The following CTXND1 variants were observed in gnomAD, a reference collection of about 807,000 sequenced individuals.
CTXND1 encodes cortexin domain-containing 1 protein.
intron 1 of CTXND1, among the ~76,000 whole-genome samples, chr15:80,206,278 C>T (rs1893146554): frequency 6.6e-6 from 1 of 152,210 alleles, no homozygotes; most frequent in South Asian, 2.1e-4. Flanking sequence ...GTGAAATGTA[C>T]AAATATTAAA....
intron 1 of CTXND1, among the ~76,000 whole-genome samples, chr15:80,235,534 C>A (rs917988405): frequency 6.6e-6 from 1 of 152,156 alleles, no homozygotes; most frequent in Non-Finnish European, 1.5e-5. Flanking sequence ...AGTGGCATAA[C>A]GCGACTGTGG....
chr15:80,218,569 T>C (rs1168136190), intron 1 of CTXND1, among the ~76,000 whole-genome samples: 1 of 152,190 alleles, frequency 6.6e-6, no homozygotes, highest in African/African-American at 2.4e-5. Flanking sequence ...CTTTCCTTGC[T>C]TTCCAATGAA....
intron 2 of CTXND1, among the ~76,000 whole-genome samples, chr15:80,202,976 T>C (rs1595902803): frequency 6.6e-6 from 1 of 152,360 alleles, no homozygotes; most frequent in East Asian, 1.9e-4. Flanking sequence ...TTGCAACTTC[T>C]CTGGGTCCTA....
chr15:80,212,214 C>T (rs1038397688), intron 1 of CTXND1, among the ~76,000 whole-genome samples: 3 of 152,174 alleles, frequency 2.0e-5, no homozygotes, highest in Admixed American at 2.0e-4. Flanking sequence ...CCCTTCTAGC[C>T]CTGCTTCCTC....
intron 1 of CTXND1, among the ~76,000 whole-genome samples, chr15:80,235,563 A>T (rs1893486160): frequency 6.6e-6 from 1 of 152,160 alleles, no homozygotes; most frequent in Non-Finnish European, 1.5e-5. Context: ...AGGGGAAATC[A>T]AGTCCCAGTT....
At chr15:80,244,841 A>G (rs1463333479) in intron 1 of CTXND1, among the ~76,000 whole-genome samples, 2 of 152,144 alleles carry the variant, frequency 1.3e-5, no homozygotes, top group South Asian at 2.1e-4. Context: ...ATAAAGCACT[A>G]TCAGGTACAC....
intron 1 of CTXND1, among the ~76,000 whole-genome samples, chr15:80,209,534 G>T (rs923235697): frequency 6.6e-6 from 1 of 152,240 alleles, no homozygotes; most frequent in Non-Finnish European, 1.5e-5. Flanking sequence ...GACCCTCAAA[G>T]AAAGTGGCCG....
At chr15:80,239,371 G>C (rs1893539398) in intron 1 of CTXND1, among the ~76,000 whole-genome samples, 1 of 152,228 alleles carries the variant, frequency 6.6e-6, no homozygotes, top group Non-Finnish European at 1.5e-5. Flanking sequence ...ATTGATCCTA[G>C]GTGTGTCTGT....
intron 2 of CTXND1, among the ~76,000 whole-genome samples, chr15:80,203,388 A>T (rs1361853370): frequency 6.6e-6 from 1 of 152,164 alleles, no homozygotes; most frequent in African/African-American, 2.4e-5. Context: ...AAGGTCCCAC[A>T]TCCCACACCC....
intron 1 of CTXND1, among the ~76,000 whole-genome samples, chr15:80,235,473 T>G (rs532934249): frequency 1.3e-5 from 2 of 152,122 alleles, no homozygotes; most frequent in South Asian, 4.1e-4. Flanking sequence ...TTATGCTCAT[T>G]TGCATAACCT....
At chr15:80,218,350 G>T (rs1893275594) in intron 1 of CTXND1, among the ~76,000 whole-genome samples, 1 of 152,104 alleles carries the variant, frequency 6.6e-6, no homozygotes, top group South Asian at 2.1e-4. Flanking sequence ...ATGTTGCCTA[G>T]GCTGGTCTCA....
chr15:80,211,778 CTTCATAA>C (rs1893207136), intron 1 of CTXND1, among the ~76,000 whole-genome samples: 1 of 152,188 alleles, frequency 6.6e-6, no homozygotes, highest in South Asian at 2.1e-4. Flanking sequence ...ATTGTTATTA[CTTCATAA>C]TTCTAAGAAC....
At chr15:80,242,858 C>T (rs932183197) in intron 1 of CTXND1, among the ~76,000 whole-genome samples, 4 of 152,130 alleles carry the variant, frequency 2.6e-5, no homozygotes, top group African/African-American at 9.7e-5. Context: ...TCAGACCCAG[C>T]CAGCTTTGGT....
chr15:80,207,859 T>G (rs1893166755), intron 1 of CTXND1, among the ~76,000 whole-genome samples: 1 of 152,240 alleles, frequency 6.6e-6, no homozygotes, highest in Non-Finnish European at 1.5e-5. Flanking sequence ...GATCCTGGGA[T>G]GTTTACTTGA....
At position 80,243,864 on chromosome 15, in the gene CTXND1, T is replaced by A. The variant is rs561818371; in HGVS notation, c.-218+8143A>T. On this transcript the variant is annotated intron_variant, in intron 1 of 2. Transcript: ENST00000560778. ...GGGGCTACCAGCTTAGATGGTGTAG[T>A]CAACATGGAAGAGCATTTTGAATAA... Among the ~76,000 whole-genome samples the A allele has an allele frequency of 4.6e-5, 7 of 152,224 alleles. No homozygotes were observed. The South Asian group carries it at 1.4e-3, about 32-fold the overall frequency.
chr15:80,214,884 C>T (rs1012475516), intron 1 of CTXND1, among the ~76,000 whole-genome samples: 7 of 152,032 alleles, frequency 4.6e-5, no homozygotes, highest in African/African-American at 1.2e-4. Context: ...GCAAGTTTAA[C>T]CTGGTTAAAA....
chr15:80,251,395 C>T (rs1229717702), intron 1 of CTXND1, among the ~76,000 whole-genome samples: 1 of 152,182 alleles, frequency 6.6e-6, no homozygotes, highest in African/African-American at 2.4e-5. Flanking sequence ...GGAGACTTGA[C>T]ATTTCTTTAG....
chr15:80,211,950 C>T (rs143135590), intron 1 of CTXND1, among the ~76,000 whole-genome samples: 12 of 152,244 alleles, frequency 7.9e-5, no homozygotes, highest in South Asian at 4.1e-4. Flanking sequence ...CTTACAACTC[C>T]GTAGAAGACT....
intron 1 of CTXND1, among the ~76,000 whole-genome samples, chr15:80,239,255 C>A (rs1056787553): frequency 9.2e-5 from 14 of 152,322 alleles, no homozygotes; most frequent in African/African-American, 3.1e-4. Context: ...TGCTCCCCAC[C>A]TCTCCATCCT....
Sources: allele counts gnomAD v4.1 joint callset (sites outside exome capture counted in the v4.1 genomes callset), GRCh38; gene constraint gnomAD v4.1.1; transcripts MANE v1.5; gene names NCBI Gene and HGNC (gene_info 2026-07-23, HGNC 2026-07-21).